RGS3: variants seen among roughly 807,000 people sequenced by gnomAD.
RGS3 encodes regulator of G protein signaling 3, also known as regulator of G-protein signalling 3.
In RGS3, 80 loss-of-function variants were observed where a neutral mutation model predicts 132.6. That is an observed-to-expected ratio of 0.60 (90% CI 0.50 to 0.73). The LOEUF (loss-of-function observed/expected upper bound fraction) is 0.73. Ranked by LOEUF, RGS3 falls within the 30% of genes least tolerant of loss-of-function variation. The pLI, the probability that RGS3 is intolerant of heterozygous loss-of-function variation, is 0.00. For synonymous variants in RGS3, 598 were observed against 620.6 expected (o/e 0.96, Z 0.54); for missense variants, 1,382 against 1,530.8 (o/e 0.90, Z 1.62).
exon 24 of RGS3, chr9:113,595,753 G>C (rs1181156334): frequency 6.2e-7 from 1 of 1,613,854 alleles, no homozygotes; most frequent in Non-Finnish European, 8.5e-7. Flanking sequence ...TCGCGATCCA[G>C]GCATGCAAGG....
intron 3 of RGS3, among the ~76,000 whole-genome samples, chr9:113,473,690 C>T (rs988117649): frequency 1.3e-5 from 2 of 152,192 alleles, no homozygotes; most frequent in Admixed American, 6.5e-5. Context: ...CCCAGCCAAC[C>T]TGTTTACCTC....
chr9:113,449,883 C>T (rs1447123091), intron 1 of RGS3, among the ~76,000 whole-genome samples: 4 of 151,384 alleles, frequency 2.6e-5, no homozygotes, highest in African/African-American at 9.7e-5. Context: ...GCTGGGACTA[C>T]AGGTGCCCGC....
intron 19 of RGS3, among the ~76,000 whole-genome samples, chr9:113,546,746 A>C (rs771656065): frequency 4.6e-5 from 7 of 152,232 alleles, no homozygotes; most frequent in Non-Finnish European, 8.8e-5. Context: ...CTGTGTTCCC[A>C]TGCTGACACT....
intron 20 of RGS3, among the ~76,000 whole-genome samples, chr9:113,587,946 G>A (rs1270169617): frequency 2.6e-5 from 4 of 152,242 alleles, no homozygotes; most frequent in African/African-American, 9.6e-5. Flanking sequence ...GCCCTGCAGA[G>A]CAGATCACAG....
intron 6 of RGS3, among the ~76,000 whole-genome samples, chr9:113,484,591 A>G (rs778158973): frequency 3.2e-4 from 48 of 152,260 alleles, no homozygotes; most frequent in Middle Eastern, 3.4e-3. Context: ...AAGCTGAAGG[A>G]TGTTTTGCCT....
chr9:113,454,683 C>CT (rs772993021), intron 1 of RGS3, among the ~76,000 whole-genome samples: 2,862 of 121,248 alleles, frequency 0.024, 101 homozygotes, highest in African/African-American at 0.073. Context: ...TGCTTTTAAA[C>CT]TTTTTTTTTT....
intron 3 of RGS3, among the ~76,000 whole-genome samples, chr9:113,476,669 C>T (rs1382657693): frequency 1.3e-5 from 2 of 152,238 alleles, no homozygotes; most frequent in African/African-American, 4.8e-5. Context: ...CTTTGTCAGC[C>T]TCCAGCTTCT....
chr9:113,475,600 G>T (rs549757406), intron 3 of RGS3, among the ~76,000 whole-genome samples: 161 of 152,070 alleles, frequency 1.1e-3, no homozygotes, highest in Admixed American at 3.3e-3. Context: ...TGTAGAGAAG[G>T]GCTCTTGCTG....
exon 3 of RGS3, chr9:113,462,154 C>T (rs1290973645): frequency 1.2e-6 from 2 of 1,614,150 alleles, no homozygotes; most frequent in East Asian, 4.5e-5. Flanking sequence ...TGGACTCAAA[C>T]TTCTCCAGCC....
chr9:113,472,464 T>C (rs1264031910), intron 3 of RGS3, among the ~76,000 whole-genome samples: 1 of 152,198 alleles, frequency 6.6e-6, no homozygotes, highest in African/African-American at 2.4e-5. Flanking sequence ...TACTGATACG[T>C]GCTACAATAT....
intron 19 of RGS3, among the ~76,000 whole-genome samples, chr9:113,550,737 T>A (rs527745185): frequency 6.6e-6 from 1 of 152,350 alleles, no homozygotes; most frequent in Admixed American, 6.5e-5. Flanking sequence ...TGTTGAATAT[T>A]TATTTATATG....
At chr9:113,580,698 C>T in intron 19 of RGS3, 1 of 634,514 alleles carries the variant, frequency 1.6e-6, no homozygotes, top group Non-Finnish European at 2.0e-6. Flanking sequence ...CCTCTGGGGG[C>T]AGTACCCCTG....
chr9:113,527,650 G>A (rs1832273419), intron 17 of RGS3, among the ~76,000 whole-genome samples: 1 of 152,152 alleles, frequency 6.6e-6, no homozygotes, highest in South Asian at 2.1e-4. Flanking sequence ...GCAGCCCTTG[G>A]CCCTAGGGAT....
intron 17 of RGS3, 111 bp from the exon 16 acceptor site, chr9:113,529,110 C>T (rs55977108): frequency 0.095 from 78,145 of 824,306 alleles, 4,577 homozygotes; most frequent in African/African-American, 0.19. Flanking sequence ...TCTCTTTTCC[C>T]AGGAGGTGCC....
chr9:113,500,860 G>A (rs1163741576), intron 10 of RGS3, among the ~76,000 whole-genome samples: 1 of 151,842 alleles, frequency 6.6e-6, no homozygotes, highest in African/African-American at 2.4e-5. Flanking sequence ...GCTAATTTTT[G>A]TATTTTTTAA....
chr9:113,591,413 C>T lies in RGS3; in HGVS notation c.3080+16C>T. The T allele has an allele frequency of 6.2e-7, 1 of 1,610,800 alleles. No individual in the cohort carries two copies. Among genetic ancestry groups the T allele is most frequent in the Non-Finnish European group, 8.5e-7 (1 of 1,177,484 alleles). On this transcript the variant is annotated intron_variant, in intron 21 of 24. Transcript: ENST00000350696. This position sits in a 1 kb window ranked among gnomAD's most constrained non-coding sequence, Gnocchi z 4.4. Reference sequence around the variant, plus strand: ...GCAAAAACCTGTACGTTGGGAAGATCCCTGGCTTCTGCGCTCCTCTTCCTC... The same window carrying T: ...GCAAAAACCTGTACGTTGGGAAGATTCCTGGCTTCTGCGCTCCTCTTCCTC...
intron 4 of RGS3, among the ~76,000 whole-genome samples, chr9:113,481,911 T>C (rs929653542): frequency 1.3e-5 from 2 of 152,016 alleles, no homozygotes; most frequent in African/African-American, 4.8e-5. Flanking sequence ...CCGGGTGTGG[T>C]GGCACAAGCC....
intron 14 of RGS3, among the ~76,000 whole-genome samples, chr9:113,511,892 G>A (rs1032571618): frequency 4.6e-5 from 7 of 151,968 alleles, no homozygotes; most frequent in African/African-American, 1.7e-4. Context: ...CTGGCCATGG[G>A]GTTTCATTCA....
At chr9:113,538,975 T>C (rs1480192158) in intron 19 of RGS3, among the ~76,000 whole-genome samples, 1 of 152,200 alleles carries the variant, frequency 6.6e-6, no homozygotes. Context: ...CCCATCCCTA[T>C]CACCACCATG....
Sources: gnomAD v4.1 joint callset for allele counts (sites outside exome capture counted in the v4.1 genomes callset) on GRCh38, gnomAD v4.1.1 for gene constraint, Gnocchi (gnomAD v3.1) non-coding constraint, MANE v1.5 for transcripts, NCBI Gene and HGNC (gene_info 2026-07-23, HGNC 2026-07-21) for gene names.